TENM2: variants seen among roughly 807,000 people sequenced by gnomAD.
TENM2 encodes the protein teneurin-2.
A neutral mutation model predicts 245.2 loss-of-function variants in TENM2; 52 were observed. That is an observed-to-expected ratio of 0.21 (90% confidence interval 0.17 to 0.27). The LOEUF is 0.27. TENM2 is among the 10% of genes least tolerant of loss of function. TENM2 has a pLI of 1.00. For missense variants in TENM2, 3,046 were observed against 3,666.8 expected (o/e 0.83, Z 4.37); for synonymous variants, 1,363 against 1,438.9 (o/e 0.95, Z 1.19).
intron 1 of TENM2, among the ~76,000 whole-genome samples, chr5:167,351,806 G>T (rs2127845930): frequency 6.6e-6 from 1 of 152,052 alleles, no homozygotes; most frequent in Admixed American, 6.5e-5. Context: ...TCACCTGCTG[G>T]AGGCTATCGC....
At chr5:168,181,066 G>A (rs1293727380) in intron 13 of TENM2, among the ~76,000 whole-genome samples, 11 of 152,232 alleles carry the variant, frequency 7.2e-5, no homozygotes, top group Non-Finnish European at 2.9e-5. Context: ...GGTGCTCAGA[G>A]CAACAACATA....
intron 4 of TENM2, among the ~76,000 whole-genome samples, chr5:167,985,275 T>C (rs1013151186): frequency 2.0e-5 from 3 of 152,148 alleles, no homozygotes; most frequent in Non-Finnish European, 2.9e-5. Flanking sequence ...GCTTGTATGA[T>C]AGTCTGAATA....
At chr5:167,095,840 G>C in the TENM2 span, among the ~76,000 whole-genome samples, 1 of 149,108 alleles carries the variant, frequency 6.7e-6, no homozygotes, top group East Asian at 2.0e-4. Context: ...GCGTGATCTC[G>C]GCTCACTGCA....
intron 2 of TENM2, among the ~76,000 whole-genome samples, chr5:167,753,311 G>T (rs1024732238): frequency 2.0e-5 from 3 of 152,184 alleles, no homozygotes; most frequent in Non-Finnish European, 4.4e-5. Context: ...GTGGAGTACT[G>T]TCAGAGGAAA....
At chr5:168,112,843 C>T (rs1038735671) in intron 9 of TENM2, among the ~76,000 whole-genome samples, 4 of 152,182 alleles carry the variant, frequency 2.6e-5, no homozygotes. Flanking sequence ...AGGATCAATG[C>T]ATCTTCTTTT....
chr5:167,677,129 C>T (rs905366716), intron 2 of TENM2, among the ~76,000 whole-genome samples: 1 of 152,032 alleles, frequency 6.6e-6, no homozygotes, highest in African/African-American at 2.4e-5. Flanking sequence ...AGTCTAACAG[C>T]GAACCCTTGT....
rs777925961 is a variant in TENM2, at chr5:168,020,781, G to A, written c.1187-26646G>A. 4.6e-5 allele frequency among the ~76,000 whole-genome samples: 7 copies of A among 152,262 alleles called. No homozygotes were observed. The East Asian group carries it at 1.2e-3, about 25-fold the overall frequency. On this transcript the variant is annotated intron_variant, in intron 5 of 28. Coordinates refer to ENST00000518659, the Ensembl canonical transcript of TENM2. ...TTCCTTCCACACTCACAGCTTTGAC[G>A]GAATATTTCCTCTGCCTGATATCGT...
At chr5:167,233,822 A>G in the TENM2 span, among the ~76,000 whole-genome samples, 3 of 152,164 alleles carry the variant, frequency 2.0e-5, no homozygotes, top group Admixed American at 1.3e-4. Context: ...TAATTCTGCA[A>G]AATTCTCAAT....
the TENM2 span, among the ~76,000 whole-genome samples, chr5:167,211,134 T>C: frequency 6.6e-6 from 1 of 152,198 alleles, no homozygotes; most frequent in African/African-American, 2.4e-5. Context: ...TGTCACCTGA[T>C]TTATTCTTCA....
chr5:168,200,207 C>T, intron 17 of TENM2, 76 bp downstream of exon 19: 3 of 1,349,858 alleles, frequency 2.2e-6, no homozygotes, highest in African/African-American at 2.9e-5. Context: ...TATTGAGTTC[C>T]GAGGATATGC....
At chr5:168,135,319 T>C (rs1239488985) in intron 12 of TENM2, among the ~76,000 whole-genome samples, 2 of 152,240 alleles carry the variant, frequency 1.3e-5, no homozygotes, top group African/African-American at 2.4e-5. Context: ...CAGCAGACTT[T>C]ATTTTTCCTC....
chr5:167,258,803 A>T, the TENM2 span, among the ~76,000 whole-genome samples: 1 of 152,330 alleles, frequency 6.6e-6, no homozygotes, highest in East Asian at 1.9e-4. Context: ...GGCTTTGCAC[A>T]TAGGATCATT....
rs367615726 is a variant in TENM2, at chr5:167,779,333, G to A, written c.503-96653G>A. ...CCTCCATTGACAAAAAGTCTTTAGC[G>A]ACTGCAACCAAGAAGCAACCAAACA... On this transcript the variant is annotated intron_variant, in intron 2 of 28. Coordinates refer to ENST00000518659, the Ensembl canonical transcript of TENM2. Among the ~76,000 whole-genome samples, 22 of 152,264 alleles carry A rather than the reference G, an allele frequency of 1.4e-4. No individual in the cohort carries two copies. The East Asian group carries it at 2.1e-3, about 15-fold the overall frequency.
the TENM2 span, among the ~76,000 whole-genome samples, chr5:167,071,988 A>G: frequency 6.7e-6 from 1 of 148,486 alleles, no homozygotes; most frequent in African/African-American, 2.5e-5. Context: ...GGCTTCTCAG[A>G]GTGGTTGGGA....
the TENM2 span, among the ~76,000 whole-genome samples, chr5:167,049,696 T>C: frequency 6.6e-6 from 1 of 152,328 alleles, no homozygotes; most frequent in South Asian, 2.1e-4. Flanking sequence ...CTATGATAAT[T>C]ACCCCTAATT....
chr5:167,767,503 G>A (rs778905845), intron 2 of TENM2, among the ~76,000 whole-genome samples: 1 of 152,132 alleles, frequency 6.6e-6, no homozygotes, highest in African/African-American at 2.4e-5. Context: ...CAGTGTGAAT[G>A]TACTTAATGC....
At chr5:167,334,106 A>C (rs1757618862) in intron 1 of TENM2, among the ~76,000 whole-genome samples, 2 of 152,138 alleles carry the variant, frequency 1.3e-5, no homozygotes, top group African/African-American at 4.8e-5. Flanking sequence ...GAATTGTTTT[A>C]TTTATTGTTC....
the TENM2 span, among the ~76,000 whole-genome samples, chr5:167,151,543 G>T: frequency 6.6e-6 from 1 of 151,908 alleles, no homozygotes; most frequent in African/African-American, 2.4e-5. Flanking sequence ...TTTTTTAGAC[G>T]GAGTCTTTCT....
rs553562871 is a variant in TENM2, at chr5:167,335,621, C to G, written c.227-39577C>G. Among the ~76,000 whole-genome samples the G allele has an allele frequency of 1.4e-3, 205 of 151,426 alleles. 2 individuals are homozygous for G. The highest frequency in any genetic ancestry group is 4.6e-3 in the African/African-American group (191 of 41,320). ...ATGAGACTCATCTTTTTTTTTTTAA[C>G]TCCTTTGTTTGAAAGATGAGCCAAC... is the stretch of plus-strand genomic sequence containing the variant. On this transcript the variant is annotated intron_variant, in intron 1 of 28. Coordinates refer to ENST00000518659, the Ensembl canonical transcript of TENM2.
Sources: allele counts gnomAD v4.1 joint callset (sites outside exome capture counted in the v4.1 genomes callset), GRCh38; gene constraint gnomAD v4.1.1; transcripts MANE v1.5; gene names NCBI Gene and HGNC (gene_info 2026-07-23, HGNC 2026-07-21).